BCL2L12: variants seen among roughly 807,000 people sequenced by gnomAD.
The protein encoded by BCL2L12 is bcl-2-like protein 12.
In BCL2L12, 27 loss-of-function variants were observed where a neutral mutation model predicts 25.7. The ratio of observed to expected loss-of-function variants is 1.05; its 90% CI spans 0.78 to 1.45. The LOEUF is 1.45. Ranked by LOEUF, BCL2L12 falls within the 40% of genes most tolerant of loss-of-function variation. The pLI, the probability that BCL2L12 is intolerant of heterozygous loss-of-function variation, is 0.00. For synonymous variants in BCL2L12, 132 were observed against 145.6 expected (o/e 0.91, Z 0.67); for missense variants, 302 against 329.8 (o/e 0.92, Z 0.65).
intron 6 of BCL2L12, among the ~76,000 whole-genome samples, chr19:49,671,434 G>A (rs1002792674): frequency 4.6e-5 from 7 of 152,264 alleles, no homozygotes; most frequent in African/African-American, 9.6e-5. Flanking sequence ...CAACAAGAGC[G>A]GGGCTCTGTC....
Position 49,666,101 on chromosome 19 carries a change from A to T in BCL2L12, c.-9+34A>T, listed in dbSNP as rs2081739123. 2.6e-6 allele frequency: 4 copies of T among 1,518,976 alleles called. No individual in the cohort carries two copies. The African/African-American group carries it at 5.6e-5, about 21-fold the overall frequency. The allele number at this position is 1,518,976 out of a possible 1,614,324, so 94.1% of individuals were successfully genotyped here. A position where few individuals can be genotyped will look rare whatever the true frequency, so the allele number is the denominator to read the frequency against. On this transcript the variant is annotated intron_variant, in intron 1 of 6. Transcript: ENST00000246784. The stretch of plus-strand genomic sequence containing the variant: ...GGTGTTGACGAGGGGTGGGGTGAGG[A>T]GGGAAGAGGAGGGGGCCGGGATCCA...
At chr19:49,666,293 C>T (rs1184916702) in intron 1 of BCL2L12, among the ~76,000 whole-genome samples, 11 of 152,176 alleles carry the variant, frequency 7.2e-5, no homozygotes, top group African/African-American at 2.7e-4. Context: ...TGGTAGTTCC[C>T]GATGCTTTAA....
chr19:49,672,365 C>A lies in BCL2L12; in HGVS notation c.703-1333C>A, dbSNP rs578014238. On this transcript the variant is annotated intron_variant, in intron 6 of 6. Coordinates refer to ENST00000246784, the MANE Select transcript of BCL2L12 (RefSeq NM_138639.2). This position sits in a 1 kb window ranked among gnomAD's most constrained non-coding sequence, Gnocchi z 4.1. ...GCCAGTAGGGCTACAGTAGGGTGAG[C>A]GGGCGACAGATGAGAGGAGGAGAGG... Among the ~76,000 whole-genome samples the A allele has an allele frequency of 2.6e-5, 4 of 152,088 alleles. No individual in the cohort carries two copies. The highest frequency in any genetic ancestry group is 4.4e-5 in the Non-Finnish European group (3 of 68,010).
Position 49,670,195 on chromosome 19 carries a change from C to T in BCL2L12, c.430-21C>T. 1.9e-6 allele frequency: 3 copies of T among 1,597,280 alleles called. No individual in the cohort carries two copies. The South Asian group carries it at 3.3e-5, about 18-fold the overall frequency. On this transcript the variant is annotated intron_variant, in intron 5 of 6. Transcript: ENST00000246784. ...CCCCGGGGGCGCTGCTGACGCGGACCCTGCCTCTTCCACCCTACAGCTGGC... is the reference window on the plus strand; with the variant it reads ...CCCCGGGGGCGCTGCTGACGCGGACTCTGCCTCTTCCACCCTACAGCTGGC...
In BCL2L12 at chr19:49,672,484, C is replaced by T. The variant is rs561171960; in HGVS notation, c.703-1214C>T. Among the ~76,000 whole-genome samples, 93 of 152,248 alleles carry T rather than the reference C, an allele frequency of 6.1e-4. No individual in the cohort carries two copies. The highest frequency in any genetic ancestry group is 3.4e-3 in the Middle Eastern group (1 of 294). On this transcript the variant is annotated intron_variant, in intron 6 of 6. Coordinates refer to ENST00000246784, the MANE Select transcript of BCL2L12 (RefSeq NM_138639.2). This position sits in a 1 kb window ranked among gnomAD's most constrained non-coding sequence, Gnocchi z 4.1. The stretch of plus-strand genomic sequence containing the variant: ...GGTCTCTGAGCAGCGGAGGGACAGG[C>T]GCTGATTTAGGCGCTAATGGGCGCC...
chr19:49,671,140 CG>C (rs2081954190), intron 6 of BCL2L12, among the ~76,000 whole-genome samples: 1 of 150,746 alleles, frequency 6.6e-6, no homozygotes, highest in Non-Finnish European at 1.5e-5. Context: ...CCAGCCTGGG[CG>C]ACAGAGTGAG....
At chr19:49,667,878 T>C (rs2081854968) in intron 3 of BCL2L12, among the ~76,000 whole-genome samples, 1 of 151,980 alleles carries the variant, frequency 6.6e-6, no homozygotes, top group Non-Finnish European at 1.5e-5. Flanking sequence ...CCTCCTGGGT[T>C]CAAGCGATTC....
At chr19:49,668,370 AT>A (rs2122829842) in intron 3 of BCL2L12, among the ~76,000 whole-genome samples, 1 of 152,104 alleles carries the variant, frequency 6.6e-6, no homozygotes, top group East Asian at 1.9e-4. Flanking sequence ...AAGTGATGGG[AT>A]TACAGGCGTG....
In BCL2L12 at chr19:49,667,141, C is replaced by G; in HGVS notation, c.230C>G (p.Pro77Arg). 1 of 1,613,904 alleles carries G rather than the reference C, an allele frequency of 6.2e-7. No individual in the cohort carries two copies. The highest frequency in any genetic ancestry group is 1.7e-4 in the Middle Eastern group (1 of 6,060). Residue 77 changes from proline (P) to arginine (R), a missense_variant, in exon 3 of 7, where the codon CCC becomes CGC. Physicochemically the swap from Pro to Arg is moderately radical, Grantham distance 103. Coordinates refer to ENST00000246784, the MANE Select transcript of BCL2L12 (RefSeq NM_138639.2). ...SPRPCSLPIR[P>R]CYGLEPGPAT... ...CGGCCTTGCTCTCTGCCCATCCGCC[C>G]CTGCTATGGTTTAGAGCCTGGTAAG...
chr19:49,671,610 TGTGGGTGACAGA>T (rs2081963564), intron 6 of BCL2L12, among the ~76,000 whole-genome samples: 2 of 152,046 alleles, frequency 1.3e-5, no homozygotes, highest in Non-Finnish European at 2.9e-5. Flanking sequence ...TGTACTCCAG[TGTGGGTGACAGA>T]GTGGGACCCT....
In BCL2L12 at chr19:49,672,759, T is replaced by G. The variant is rs2081987031; in HGVS notation, c.703-939T>G. Among the ~76,000 whole-genome samples the G allele has an allele frequency of 1.2e-4, 16 of 137,360 alleles. No homozygotes were observed. The highest frequency in any genetic ancestry group is 2.3e-4 in the East Asian group (1 of 4,308). 90.1% of individuals were successfully genotyped at this position (137,360 alleles called of 152,430 possible). On this transcript the variant is annotated intron_variant, in intron 6 of 6. Coordinates refer to ENST00000246784, the MANE Select transcript of BCL2L12 (RefSeq NM_138639.2). This position sits in a 1 kb window ranked among gnomAD's most constrained non-coding sequence, Gnocchi z 4.1. ...GGTGTGGGGATGGGGGCGATGGGGG[T>G]GGGGAGCAGGACTGGAGGTGGTCCG...
At chr19:49,665,651 G>A (rs2081687368), upstream of BCL2L12, 3 of 807,810 alleles carry the variant, frequency 3.7e-6, no homozygotes, top group Non-Finnish European at 3.8e-6. Flanking sequence ...AGGTCGGGGC[G>A]TGCGGGCAGC....
chr19:49,667,403 AC>A (rs1355251852), intron 3 of BCL2L12, among the ~76,000 whole-genome samples: 3 of 152,026 alleles, frequency 2.0e-5, no homozygotes, highest in African/African-American at 4.8e-5. Flanking sequence ...TGCCCCTAGG[AC>A]TTTTGTAGCC....
Position 49,667,126 on chromosome 19 carries a change from C to G in BCL2L12, c.215C>G (p.Ser72Cys), listed in dbSNP as rs764515780. 1.3e-5 allele frequency: 21 copies of G among 1,613,954 alleles called. No homozygotes were observed. Among genetic ancestry groups the G allele is most frequent in the Non-Finnish European group, 1.8e-5 (21 of 1,180,018 alleles). Residue 72 changes from serine to cysteine, a missense_variant, in exon 3 of 7, where the codon TCT becomes TGT. Transcript: ENST00000246784. ...CCCTCTGAGTCCCCTCGGCCTTGCTCTCTGCCCATCCGCCCCTGCTATGGT... is the reference window on the plus strand; with the variant it reads ...CCCTCTGAGTCCCCTCGGCCTTGCTGTCTGCCCATCCGCCCCTGCTATGGT... ...AAPSESPRPC[S>C]LPIRPCYGLE...
chr19:49,673,651 G>A (rs1197151307), intron 6 of BCL2L12, 47 bp from the exon 7 acceptor site: 1 of 1,505,084 alleles, frequency 6.6e-7, no homozygotes, highest in Non-Finnish European at 9.3e-7. Context: ...GCTGTATGGG[G>A]GGAACACCTG....
At chr19:49,669,263 T>G (rs1449075153) in intron 5 of BCL2L12, 148 bp downstream of exon 5, 1 of 1,439,408 alleles carries the variant, frequency 6.9e-7, no homozygotes, top group Admixed American at 2.4e-5. Flanking sequence ...AGGCCGGGTG[T>G]GGTGGCTCAC....
At chr19:49,665,888 G>T (rs1290895314), upstream of BCL2L12, 15 of 1,612,734 alleles carry the variant, frequency 9.3e-6, no homozygotes, top group Non-Finnish European at 1.3e-5. Flanking sequence ...CCAGAGGCAT[G>T]CTGGGAGCGT....
rs1459792321 is a variant in BCL2L12, at chr19:49,666,720, C to T, written c.28C>T (p.Arg10Trp). MAGSEELGL[R>W]EDTLRVLAAF... is the part of the protein sequence containing the mutation. ...GGCAGGCTCTGAAGAGCTGGGGCTC[C>T]GGGAAGACACGCTGAGGGTCCTAGC... The change falls in exon 2 of 7, where the codon CGG becomes TGG. Residue 10 changes from arginine to tryptophan, a missense_variant. Physicochemically the swap from Arg to Trp is moderately radical, Grantham distance 101. Coordinates refer to ENST00000246784, the MANE Select transcript of BCL2L12 (RefSeq NM_138639.2). The T allele has an allele frequency of 1.9e-6, 3 of 1,555,304 alleles. No homozygotes were observed. The highest frequency in any genetic ancestry group is 2.6e-6 in the Non-Finnish European group (3 of 1,148,918).
intron 5 of BCL2L12, 87 bp from the exon 6 acceptor site, chr19:49,670,129 C>G (rs2081923189): frequency 1.3e-6 from 2 of 1,505,048 alleles, no homozygotes; most frequent in African/African-American, 2.8e-5. Context: ...TAGAACGATC[C>G]TGAACCGGGA....
Sources: gnomAD v4.1 joint callset for allele counts (sites outside exome capture counted in the v4.1 genomes callset) on GRCh38, gnomAD v4.1.1 for gene constraint, Gnocchi (gnomAD v3.1) non-coding constraint, MANE v1.5 for transcripts, NCBI Gene and HGNC (gene_info 2026-07-23, HGNC 2026-07-21) for gene names.